Variants in NIPBL observed in about 807,000 individuals in gnomAD.
NIPBL encodes the protein NIPBL cohesin loading factor.
Under a neutral mutation model 321.8 loss-of-function variants are expected in NIPBL, and 19 were observed. The observed-to-expected ratio is 0.06, with a 90% CI of 0.04 to 0.09. The LOEUF is 0.09. Ranked by LOEUF, NIPBL falls within the 10% of genes least tolerant of loss-of-function variation. NIPBL has a pLI of 1.00. For missense variants in NIPBL, 2,210 were observed against 3,327.0 expected, an observed-to-expected ratio of 0.66 and a Z score of 8.26; for synonymous variants, 1,106 against 1,114.1, an observed-to-expected ratio of 0.99 and a Z score of 0.14.
intron 1 of NIPBL, among the ~76,000 whole-genome samples, chr5:36,948,712 T>C (rs1045267597): frequency 6.6e-6 from 1 of 151,924 alleles, no homozygotes; most frequent in East Asian, 1.9e-4. Context: ...TGTAATCTTG[T>C]ATCCAAAACT....
chr5:36,963,108 A>G (rs1298818962), intron 6 of NIPBL, among the ~76,000 whole-genome samples: 1 of 152,106 alleles, frequency 6.6e-6, no homozygotes, highest in Non-Finnish European at 1.5e-5. Context: ...CATAATGTTG[A>G]TATTATGATG....
intron 3 of NIPBL, among the ~76,000 whole-genome samples, chr5:36,956,984 G>T (rs528746512): frequency 3.3e-5 from 5 of 152,028 alleles, no homozygotes; most frequent in Non-Finnish European, 5.9e-5. Flanking sequence ...AATATTTAAA[G>T]ATGTAAAGGA....
intron 1 of NIPBL, among the ~76,000 whole-genome samples, chr5:36,884,812 T>C (rs1451858527): frequency 6.6e-6 from 1 of 152,228 alleles, no homozygotes; most frequent in Non-Finnish European, 1.5e-5. Context: ...GGTAGAGCTG[T>C]GTCCTTGAGG....
At chr5:36,899,578 A>G (rs1478127163) in intron 1 of NIPBL, among the ~76,000 whole-genome samples, 1 of 152,230 alleles carries the variant, frequency 6.6e-6, no homozygotes, top group Non-Finnish European at 1.5e-5. Context: ...GTGCCCTTTC[A>G]AAAGTGAATT....
intron 1 of NIPBL, chr5:36,885,916 T>A: frequency 1.4e-6 from 1 of 737,398 alleles, no homozygotes. Context: ...TGAAGGTAGA[T>A]GCTCCCAAAT....
intron 1 of NIPBL, among the ~76,000 whole-genome samples, chr5:36,911,655 C>A (rs1233999689): frequency 6.6e-6 from 1 of 152,136 alleles, no homozygotes. Context: ...CTTAATAGAA[C>A]ATCTTGCACA....
At chr5:37,032,506 G>C (rs1193165251) in intron 32 of NIPBL, among the ~76,000 whole-genome samples, 1 of 150,738 alleles carries the variant, frequency 6.6e-6, no homozygotes, top group Non-Finnish European at 1.5e-5. Context: ...TCAGTAGCTT[G>C]CACCCAGAAT....
At chr5:36,978,191 C>G (rs1259703521) in intron 9 of NIPBL, among the ~76,000 whole-genome samples, 1 of 151,980 alleles carries the variant, frequency 6.6e-6, no homozygotes, top group Non-Finnish European at 1.5e-5. Flanking sequence ...TACTGTTTTT[C>G]ATAAGGGTTG....
In NIPBL at chr5:37,014,350, CA is replaced by C. The variant is rs140164753; in HGVS notation, c.4561-332del. On this transcript the variant is annotated intron_variant, in intron 21 of 46. Coordinates refer to ENST00000282516, the MANE Select transcript of NIPBL (RefSeq NM_133433.4). ...TATGTTTCTTAAACTTTGAGGTTGA[CA>C]TATTTTTTCTAAATTCTTTTTTTAT... Among the ~76,000 whole-genome samples, 1,279 of 152,028 alleles carry C rather than the reference CA, an allele frequency of 8.4e-3. 19 individuals are homozygous for C. The highest frequency in any genetic ancestry group is 0.028 in the African/African-American group (1,171 of 41,466).
intron 1 of NIPBL, among the ~76,000 whole-genome samples, chr5:36,882,897 C>T (rs1745614415): frequency 6.7e-6 from 1 of 150,346 alleles, no homozygotes; most frequent in African/African-American, 2.4e-5. Flanking sequence ...AAAAAAAAAC[C>T]CACCTTGTTA....
chr5:37,063,451 A>C (rs1294295199), intron 45 of NIPBL, among the ~76,000 whole-genome samples: 1 of 152,242 alleles, frequency 6.6e-6, no homozygotes, highest in Admixed American at 6.5e-5. Context: ...ACTTGGACCA[A>C]GGGTCTGAAA....
intron 10 of NIPBL, among the ~76,000 whole-genome samples, chr5:36,986,978 A>G (rs1744884253): frequency 6.6e-6 from 1 of 152,184 alleles, no homozygotes; most frequent in African/African-American, 2.4e-5. Context: ...TTAAGTGCCA[A>G]AAGATAATGG....
chr5:37,037,906 A>C (rs1263098759), intron 33 of NIPBL, among the ~76,000 whole-genome samples: 1 of 151,574 alleles, frequency 6.6e-6, no homozygotes, highest in Non-Finnish European at 1.5e-5. Context: ...TTCTACTGCA[A>C]CAACATGTCT....
Position 37,000,969 on chromosome 5 carries a change from T to C in NIPBL, c.3575-20T>C, listed in dbSNP as rs1403481331. On this transcript the variant is annotated intron_variant, in intron 13 of 46. Coordinates refer to ENST00000282516, the MANE Select transcript of NIPBL (RefSeq NM_133433.4). ...CTACTTGTAATGTGAGAATAATGAATATATTTTTCTCTCTTGCAGAAATGA... is the reference window on the plus strand; with the variant it reads ...CTACTTGTAATGTGAGAATAATGAACATATTTTTCTCTCTTGCAGAAATGA... The C allele has an allele frequency of 6.3e-7, 1 of 1,596,252 alleles. No homozygotes were observed.
chr5:37,026,556 G>A (rs1750290809), intron 31 of NIPBL, among the ~76,000 whole-genome samples: 1 of 152,124 alleles, frequency 6.6e-6, no homozygotes, highest in Non-Finnish European at 1.5e-5. Flanking sequence ...CACTGATACT[G>A]AGATTTTCCT....
At chr5:36,902,904 G>A (rs148506776) in intron 1 of NIPBL, among the ~76,000 whole-genome samples, 82 of 152,230 alleles carry the variant, frequency 5.4e-4, no homozygotes, top group African/African-American at 1.9e-3. Flanking sequence ...CATGATCATG[G>A]AATGTTTTTC....
intron 32 of NIPBL, among the ~76,000 whole-genome samples, chr5:37,030,545 G>A (rs1561184853): frequency 3.3e-5 from 5 of 152,132 alleles, no homozygotes; most frequent in Admixed American, 1.3e-4. Flanking sequence ...GAGCACATAT[G>A]CATGCATTGC....
chr5:36,905,215 G>A (rs1255410664), intron 1 of NIPBL, among the ~76,000 whole-genome samples: 2 of 152,126 alleles, frequency 1.3e-5, no homozygotes, highest in Non-Finnish European at 2.9e-5. Flanking sequence ...AATAAGCAAT[G>A]AATTTGAATA....
Position 36,946,756 on chromosome 5 carries a change from G to A in NIPBL, c.-79-6862G>A, listed in dbSNP as rs568446270. ...ACACAAGGTGACAATATAGTTTAAA[G>A]AATACTGACCTAGAGATCAAACACT... On this transcript the variant is annotated intron_variant, in intron 1 of 46. Coordinates refer to ENST00000282516, the MANE Select transcript of NIPBL (RefSeq NM_133433.4). Among the ~76,000 whole-genome samples the A allele has an allele frequency of 9.2e-5, 14 of 152,186 alleles. No homozygotes were observed. In the South Asian group the frequency reaches 2.9e-3, roughly 32 times the overall value.
Sources: gnomAD v4.1 joint callset for allele counts (sites outside exome capture counted in the v4.1 genomes callset) on GRCh38, gnomAD v4.1.1 for gene constraint, MANE v1.5 for transcripts, NCBI Gene and HGNC (gene_info 2026-07-23, HGNC 2026-07-21) for gene names.